ARHGAP18: variants seen among roughly 807,000 people sequenced by gnomAD.
The protein encoded by ARHGAP18 is Rho GTPase activating protein 18.
A neutral mutation model predicts 86.2 loss-of-function variants in ARHGAP18; 67 were observed. The ratio of observed to expected loss-of-function variants is 0.78; its 90% CI spans 0.64 to 0.95. ARHGAP18 has a LOEUF of 0.95. ARHGAP18 is among the 40% of genes least tolerant of loss of function. The pLI is 0.00. For missense variants in ARHGAP18, 691 were observed against 780.4 expected (o/e 0.89, Z 1.37); for synonymous variants, 283 against 280.4 (o/e 1.01, Z -0.09).
At chr6:129,601,535 G>A (rs547541513) in intron 10 of ARHGAP18, among the ~76,000 whole-genome samples, 12 of 149,402 alleles carry the variant, frequency 8.0e-5, no homozygotes, top group African/African-American at 2.7e-4. Context: ...AGAAAAGAGA[G>A]AAGAAAAGAG....
chr6:129,614,027 GAC>G (rs1167384570), intron 7 of ARHGAP18, among the ~76,000 whole-genome samples: 1 of 152,138 alleles, frequency 6.6e-6, no homozygotes, highest in Non-Finnish European at 1.5e-5. Context: ...TAGGTTATAA[GAC>G]AGACTTTTTT....
intron 1 of ARHGAP18, among the ~76,000 whole-genome samples, chr6:129,705,305 G>A (rs144043479): frequency 5.3e-5 from 8 of 152,264 alleles, no homozygotes; most frequent in African/African-American, 1.4e-4. Context: ...CTTCCATTTG[G>A]CATGCTGGGC....
At chr6:129,624,209 A>G (rs1455560652) in intron 5 of ARHGAP18, among the ~76,000 whole-genome samples, 1 of 152,138 alleles carries the variant, frequency 6.6e-6, no homozygotes, top group Non-Finnish European at 1.5e-5. Flanking sequence ...ACCTTTCCAT[A>G]TTTTGTGATG....
intron 7 of ARHGAP18, among the ~76,000 whole-genome samples, chr6:129,614,324 G>A (rs1789046541): frequency 1.3e-5 from 2 of 151,572 alleles, no homozygotes; most frequent in African/African-American, 4.8e-5. Context: ...AACTTTTTTT[G>A]TGATAGATCA....
intron 12 of ARHGAP18, among the ~76,000 whole-genome samples, chr6:129,587,066 A>G (rs1203019957): frequency 1.3e-5 from 2 of 152,232 alleles, no homozygotes; most frequent in African/African-American, 4.8e-5. Flanking sequence ...ATGTTTATTG[A>G]TTAAATGAAT....
At chr6:129,688,840 T>C (rs1219071401) in intron 1 of ARHGAP18, among the ~76,000 whole-genome samples, 2 of 151,948 alleles carry the variant, frequency 1.3e-5, no homozygotes, top group East Asian at 1.9e-4. Context: ...CACTGGCTAA[T>C]GAAATCCAAA....
chr6:129,588,066 C>T (rs1437595516), intron 12 of ARHGAP18, among the ~76,000 whole-genome samples: 2 of 151,670 alleles, frequency 1.3e-5, no homozygotes, highest in Non-Finnish European at 2.9e-5. Context: ...CTTGCCAAAA[C>T]AAGGGGGCTA....
intron 1 of ARHGAP18, among the ~76,000 whole-genome samples, chr6:129,709,429 A>T (rs1427406454): frequency 6.6e-6 from 1 of 152,250 alleles, no homozygotes; most frequent in African/African-American, 2.4e-5. Flanking sequence ...CCAGCAGCAG[A>T]GTGCTATCTC....
chr6:129,659,515 T>C (rs1375495632), intron 1 of ARHGAP18, among the ~76,000 whole-genome samples: 6 of 152,194 alleles, frequency 3.9e-5, no homozygotes, highest in African/African-American at 1.4e-4. Context: ...TCACCCAGGC[T>C]GGAGTGCAAT....
intron 1 of ARHGAP18, among the ~76,000 whole-genome samples, chr6:129,708,531 A>G (rs1774840989): frequency 6.6e-6 from 1 of 152,164 alleles, no homozygotes; most frequent in South Asian, 2.1e-4. Context: ...GACCTTCCAA[A>G]AACTTAACTA....
intron 10 of ARHGAP18, among the ~76,000 whole-genome samples, chr6:129,603,225 T>C (rs921611496): frequency 9.2e-5 from 14 of 152,122 alleles, no homozygotes; most frequent in Admixed American, 6.6e-4. Context: ...CTCCTACTTA[T>C]AAGTGAGAAC....
At position 129,710,125 on chromosome 6, in the gene ARHGAP18, G is replaced by C; in HGVS notation, c.12C>G (p.Leu4=). The C allele has an allele frequency of 6.2e-7, 1 of 1,613,502 alleles. No homozygotes were observed. The change falls in exon 1 of 15, where the codon CTC becomes CTG. Residue 4 remains leucine (L), a synonymous_variant. Transcript: ENST00000368149. ...TTAGTACCACTCCCTGGGAACTGGA[G>C]AGCCAGCTCATGGTGAGAGAAGGGA... MSW[L]SSSQGVVLTA...
chr6:129,673,851 G>A (rs2114530388), intron 1 of ARHGAP18, among the ~76,000 whole-genome samples: 1 of 152,250 alleles, frequency 6.6e-6, no homozygotes, highest in East Asian at 1.9e-4. Context: ...AGAAAAGGAA[G>A]TAGATATATT....
chr6:129,595,313 T>C (rs1362925459), intron 12 of ARHGAP18, among the ~76,000 whole-genome samples: 1 of 152,220 alleles, frequency 6.6e-6, no homozygotes, highest in Non-Finnish European at 1.5e-5. Flanking sequence ...TTGTACACTT[T>C]CATGGTATTT....
At chr6:129,627,804 A>G (rs1053987048) in intron 5 of ARHGAP18, among the ~76,000 whole-genome samples, 1 of 152,192 alleles carries the variant, frequency 6.6e-6, no homozygotes, top group African/African-American at 2.4e-5. Flanking sequence ...AGATTATAAA[A>G]TTATGTGATA....
intron 6 of ARHGAP18, among the ~76,000 whole-genome samples, chr6:129,617,465 G>A (rs1010670471): frequency 6.6e-6 from 1 of 152,126 alleles, no homozygotes; most frequent in Admixed American, 6.6e-5. Flanking sequence ...TGGGAATTCG[G>A]AAAAGATGCA....
At chr6:129,683,958 A>G (rs1774376637) in intron 1 of ARHGAP18, among the ~76,000 whole-genome samples, 1 of 152,234 alleles carries the variant, frequency 6.6e-6, no homozygotes, top group Non-Finnish European at 1.5e-5. Flanking sequence ...AGGAGCTCAA[A>G]GCCAAGAAAC....
chr6:129,656,171 G>C (rs1449560774), intron 1 of ARHGAP18, among the ~76,000 whole-genome samples: 1 of 152,208 alleles, frequency 6.6e-6, no homozygotes, highest in African/African-American at 2.4e-5. Context: ...GAAGCACAGG[G>C]CTTTACCACT....
Position 129,578,407 on chromosome 6 carries a change from G to A in ARHGAP18, c.*106C>T, listed in dbSNP as rs559439723. The A allele has an allele frequency of 1.0e-4, 79 of 756,440 alleles. No individual in the cohort carries two copies. In the African/African-American group the frequency reaches 1.3e-3, roughly 13 times the overall value. 46.9% of individuals were successfully genotyped at this position (756,440 alleles called of 1,614,324 possible). ...TAAGAGAGTCATTTTTAAATACTTG[G>A]GTACAACTGAATAATATGAGTCCTG... is the stretch of plus-strand genomic sequence containing the variant. On this transcript the variant is annotated 3_prime_UTR_variant, in exon 15 of 15. Transcript: ENST00000368149.
Sources: gnomAD v4.1 joint callset for allele counts (sites outside exome capture counted in the v4.1 genomes callset) on GRCh38, gnomAD v4.1.1 for gene constraint, MANE v1.5 for transcripts, NCBI Gene and HGNC (gene_info 2026-07-23, HGNC 2026-07-21) for gene names.